NRXN3: variants seen among roughly 807,000 people sequenced by gnomAD.
NRXN3 encodes neurexin 3, also known as neurexin III.
In NRXN3, 32 loss-of-function variants were observed where a neutral mutation model predicts 137.6. The observed-to-expected ratio is 0.23, with a 90% confidence interval of 0.18 to 0.31. The LOEUF (loss-of-function observed/expected upper bound fraction) is 0.31. NRXN3 is among the 10% of genes least tolerant of loss of function. The pLI, the probability that NRXN3 is intolerant of heterozygous loss-of-function variation, is 1.00. For missense variants in NRXN3, 1,574 were observed against 2,062.5 expected (o/e 0.76, Z 4.59); for synonymous variants, 798 against 784.5 (o/e 1.02, Z -0.29).
intron 1 of NRXN3, among the ~76,000 whole-genome samples, chr14:78,207,076 C>T (rs1566969125): frequency 6.6e-6 from 1 of 152,022 alleles, no homozygotes; most frequent in Non-Finnish European, 1.5e-5. Context: ...GTTGGCCAGG[C>T]TGGTCTCGAA....
intron 20 of NRXN3, among the ~76,000 whole-genome samples, chr14:79,817,977 G>A (rs1016728151): frequency 6.6e-6 from 1 of 150,562 alleles, no homozygotes; most frequent in African/African-American, 2.4e-5. Context: ...CAATATTGGA[G>A]AGAAATACCA....
intron 15 of NRXN3, among the ~76,000 whole-genome samples, chr14:79,326,844 T>C (rs547839638): frequency 6.6e-6 from 1 of 152,238 alleles, no homozygotes; most frequent in Admixed American, 6.5e-5. Flanking sequence ...AAATTGTGTT[T>C]AATGTCCTGT....
intron 10 of NRXN3, among the ~76,000 whole-genome samples, chr14:78,918,871 G>C (rs1216036164): frequency 1.3e-5 from 2 of 152,098 alleles, no homozygotes; most frequent in Admixed American, 1.3e-4. Context: ...CACCATCCAG[G>C]TTTGTGTAAG....
At chr14:78,644,135 G>GAAA (rs111868453) in intron 4 of NRXN3, among the ~76,000 whole-genome samples, 2 of 42,118 alleles carry the variant, frequency 4.7e-5, no homozygotes, top group Admixed American at 2.6e-4. Flanking sequence ...GCAAGACTCA[G>GAAA]AAAAAAAAAA....
chr14:78,188,021 C>T (rs2060387741), intron 1 of NRXN3, among the ~76,000 whole-genome samples: 1 of 152,056 alleles, frequency 6.6e-6, no homozygotes, highest in Admixed American at 6.6e-5. Flanking sequence ...ATAGGGAGCA[C>T]TCGGGCCATG....
At chr14:78,657,033 T>G (rs919042662) in intron 6 of NRXN3, among the ~76,000 whole-genome samples, 10 of 109,152 alleles carry the variant, frequency 9.2e-5, no homozygotes, top group Non-Finnish European at 1.3e-4. Flanking sequence ...GGCGACAGAG[T>G]GAGACTCCGT....
At chr14:79,716,960 C>T (rs2098825793) in intron 19 of NRXN3, among the ~76,000 whole-genome samples, 1 of 152,092 alleles carries the variant, frequency 6.6e-6, no homozygotes, top group Non-Finnish European at 1.5e-5. Flanking sequence ...AGTTCTTTGC[C>T]CAGATAAGTT....
intron 4 of NRXN3, among the ~76,000 whole-genome samples, chr14:78,388,898 TTCA>T (rs1249359620): frequency 1.3e-5 from 2 of 152,084 alleles, no homozygotes; most frequent in Non-Finnish European, 2.9e-5. Context: ...CATACTTCAA[TTCA>T]TCATTTTTTA....
intron 17 of NRXN3, among the ~76,000 whole-genome samples, chr14:79,680,907 C>G (rs930711788): frequency 6.6e-6 from 1 of 152,140 alleles, no homozygotes; most frequent in African/African-American, 2.4e-5. Flanking sequence ...CTTAACTCTA[C>G]TCATTATCGT....
chr14:78,175,313 G>GTTT (rs2059154730), intron 1 of NRXN3, among the ~76,000 whole-genome samples: 1 of 152,190 alleles, frequency 6.6e-6, no homozygotes, highest in African/African-American at 2.4e-5. Context: ...CAGAGAAAGG[G>GTTT]GATAAATGGG....
At chr14:79,396,220 C>T (rs2095021582) in intron 15 of NRXN3, among the ~76,000 whole-genome samples, 1 of 151,778 alleles carries the variant, frequency 6.6e-6, no homozygotes, top group Non-Finnish European at 1.5e-5. Flanking sequence ...ATATATGGAA[C>T]ATAATACGGG....
chr14:79,218,140 T>C (rs1445791008), intron 15 of NRXN3, among the ~76,000 whole-genome samples: 3 of 152,318 alleles, frequency 2.0e-5, no homozygotes, highest in Non-Finnish European at 4.4e-5. Context: ...TGTAGAATAT[T>C]TGTATTTTGT....
At chr14:78,231,797 G>A (rs554393014) in intron 1 of NRXN3, among the ~76,000 whole-genome samples, 2 of 152,338 alleles carry the variant, frequency 1.3e-5, no homozygotes, top group East Asian at 1.9e-4. Flanking sequence ...GGCATAGCGC[G>A]TTGCCCAGAG....
intron 19 of NRXN3, among the ~76,000 whole-genome samples, chr14:79,791,474 A>G (rs910059677): frequency 2.0e-5 from 3 of 146,876 alleles, no homozygotes; most frequent in Non-Finnish European, 4.5e-5. Flanking sequence ...TAATAATTAT[A>G]TATTGTAATA....
intron 6 of NRXN3, among the ~76,000 whole-genome samples, chr14:78,685,241 T>A: frequency 6.6e-6 from 1 of 152,216 alleles, no homozygotes; most frequent in East Asian, 1.9e-4. Context: ...TTTCTGTTTT[T>A]GCCCCTGGAT....
intron 14 of NRXN3, among the ~76,000 whole-genome samples, chr14:78,970,051 T>C (rs2099431392): frequency 6.6e-6 from 1 of 152,216 alleles, no homozygotes; most frequent in Admixed American, 6.5e-5. Flanking sequence ...GATTGTAGAA[T>C]GGCAGTAATT....
At chr14:79,656,896 T>A (rs1041597241) in intron 16 of NRXN3, among the ~76,000 whole-genome samples, 1 of 152,100 alleles carries the variant, frequency 6.6e-6, no homozygotes, top group African/African-American at 2.4e-5. Context: ...ATGAATTTTC[T>A]AGGGACAATG....
At chr14:78,979,847 A>G (rs1391328937) in intron 14 of NRXN3, among the ~76,000 whole-genome samples, 1 of 152,142 alleles carries the variant, frequency 6.6e-6, no homozygotes, top group Non-Finnish European at 1.5e-5. Flanking sequence ...ATCAGATCTC[A>G]TGAGACTTAT....
intron 16 of NRXN3, among the ~76,000 whole-genome samples, chr14:79,662,645 G>T (rs1181199789): frequency 1.3e-5 from 2 of 152,042 alleles, no homozygotes; most frequent in Non-Finnish European, 2.9e-5. Context: ...TCACAGTTCT[G>T]CAGGATGTAT....
Sources: gnomAD v4.1 joint callset for allele counts (sites outside exome capture counted in the v4.1 genomes callset) on GRCh38, gnomAD v4.1.1 for gene constraint, MANE v1.5 for transcripts, NCBI Gene and HGNC (gene_info 2026-07-23, HGNC 2026-07-21) for gene names.